TUBGCP3: variants seen among roughly 807,000 people sequenced by gnomAD.
TUBGCP3 encodes the protein tubulin gamma complex component 3, also known as gamma-tubulin complex component 3.
In TUBGCP3, 50 loss-of-function variants were observed where a neutral mutation model predicts 123.1. That is an observed-to-expected ratio of 0.41 (90% CI 0.32 to 0.51). TUBGCP3 has a LOEUF of 0.51. TUBGCP3 is among the 20% of genes least tolerant of loss of function. The pLI, the probability that TUBGCP3 is intolerant of heterozygous loss-of-function variation, is 0.36. For synonymous variants in TUBGCP3, 405 were observed against 413.9 expected (o/e 0.98, Z 0.26); for missense variants, 882 against 1,127.0 (o/e 0.78, Z 3.11).
At chr13:112,572,122 G>C (rs55794546) in intron 1 of TUBGCP3, among the ~76,000 whole-genome samples, 1 of 152,030 alleles carries the variant, frequency 6.6e-6, no homozygotes, top group African/African-American at 2.4e-5. Flanking sequence ...ATCACAACTT[G>C]ACTAACTGGC....
chr13:112,516,324 T>C (rs567423436), intron 17 of TUBGCP3, 116 bp downstream of exon 17: 14 of 1,137,024 alleles, frequency 1.2e-5, no homozygotes, highest in East Asian at 3.0e-5. Flanking sequence ...GAAAAAAATA[T>C]ATAGCTGTCA....
At chr13:112,505,399 A>C (rs1881222754) in intron 17 of TUBGCP3, among the ~76,000 whole-genome samples, 3 of 152,266 alleles carry the variant, frequency 2.0e-5, no homozygotes. Context: ...AACACGGGTC[A>C]GCTTGGACAT....
At chr13:112,543,395 T>C (rs1289805769) in intron 11 of TUBGCP3, among the ~76,000 whole-genome samples, 1 of 152,174 alleles carries the variant, frequency 6.6e-6, no homozygotes, top group Non-Finnish European at 1.5e-5. Context: ...ATAAGAAGCC[T>C]GAAAATCCTT....
In TUBGCP3 at chr13:112,519,411, T is replaced by A. The variant is rs558765149; in HGVS notation, c.1882-368A>T. On this transcript the variant is annotated intron_variant, in intron 15 of 21. Transcript: ENST00000261965. This position sits in a 1 kb window ranked among gnomAD's most constrained non-coding sequence, Gnocchi z 6.2. ...CAACCGTTCTGCTAATGATCTTCCA[T>A]CACAACTAAGTAAATAGTGGGTTTA... is the stretch of plus-strand genomic sequence containing the variant. 4.7e-4 allele frequency among the ~76,000 whole-genome samples: 71 copies of A among 152,316 alleles called. No individual in the cohort carries two copies. The highest frequency in any genetic ancestry group is 9.1e-4 in the Non-Finnish European group (62 of 68,032).
Position 112,588,060 on chromosome 13 carries a change from T to G in TUBGCP3, c.-80A>C. 1 of 1,214,096 alleles carries G rather than the reference T, an allele frequency of 8.2e-7. No homozygotes were observed. The highest frequency in any genetic ancestry group is 2.0e-5 in the South Asian group (1 of 49,736). 75.2% of individuals were successfully genotyped at this position (1,214,096 alleles called of 1,614,324 possible). Reference sequence around the variant, plus strand: ...GCGCAGGGACCGCGGCCCGCGCCCTTCCTGCGCCCCGCAAGCTCCCTGCTC... The same window carrying G: ...GCGCAGGGACCGCGGCCCGCGCCCTGCCTGCGCCCCGCAAGCTCCCTGCTC... On this transcript the variant is annotated 5_prime_UTR_variant, in exon 1 of 22. Transcript: ENST00000261965.
At chr13:112,537,843 T>C (rs1034790522) in intron 11 of TUBGCP3, among the ~76,000 whole-genome samples, 1 of 152,248 alleles carries the variant, frequency 6.6e-6, no homozygotes, top group African/African-American at 2.4e-5. Context: ...AGGTTTTCTA[T>C]TTCTTTGTGA....
Position 112,498,740 on chromosome 13 carries a change from T to C in TUBGCP3, c.2448+305A>G, listed in dbSNP as rs1445318203. 4 of 1,502,828 alleles carry C rather than the reference T, an allele frequency of 2.7e-6. No homozygotes were observed. The East Asian group carries it at 7.4e-5, about 28-fold the overall frequency. 93.1% of individuals were successfully genotyped at this position (1,502,828 alleles called of 1,614,324 possible). A position where few individuals can be genotyped will look rare whatever the true frequency, so the allele number is the denominator to read the frequency against. The stretch of plus-strand genomic sequence containing the variant: ...GAGTGATGCAGAGCGGAGGCAGCTG[T>C]GGAGATTCCGACGGGTGACATCGGC... On this transcript the variant is annotated intron_variant, in intron 20 of 21. Coordinates refer to ENST00000261965, the MANE Select transcript of TUBGCP3 (RefSeq NM_006322.6).
In TUBGCP3 at chr13:112,502,332, T is replaced by C. The variant is rs549570355; in HGVS notation, c.2307+1700A>G. 2.0e-5 allele frequency among the ~76,000 whole-genome samples: 3 copies of C among 152,310 alleles called. No individual in the cohort carries two copies. In the East Asian group the frequency reaches 5.8e-4, roughly 29 times the overall value. On this transcript the variant is annotated intron_variant, in intron 19 of 21. Transcript: ENST00000261965. ...GACTGCACCGTGAGACAGGCCGTGC[T>C]GGCCAACAGCACACGGGTCTAGGAA... is the stretch of plus-strand genomic sequence containing the variant.
chr13:112,492,386 G>A lies in TUBGCP3; in HGVS notation c.2449-2689C>T, dbSNP rs113853389. Reference sequence around the variant, plus strand: ...TTAAAATATACTATTTTACTGTCGTGTAACACATATAAAAAAGTATAAAAA... The same window carrying A: ...TTAAAATATACTATTTTACTGTCGTATAACACATATAAAAAAGTATAAAAA... On this transcript the variant is annotated intron_variant, in intron 20 of 21. Transcript: ENST00000261965. Among the ~76,000 whole-genome samples, 1,457 of 152,228 alleles carry A rather than the reference G, an allele frequency of 9.6e-3. 22 individuals are homozygous for A. Among genetic ancestry groups the A allele is most frequent in the African/African-American group, 0.033 (1,385 of 41,516 alleles).
At chr13:112,576,998 G>A (rs60719103) in intron 1 of TUBGCP3, among the ~76,000 whole-genome samples, 84 of 130,270 alleles carry the variant, frequency 6.4e-4, no homozygotes, top group Non-Finnish European at 7.4e-4. Flanking sequence ...AAAAAAAAAA[G>A]AAAAAAAAAT....
intron 19 of TUBGCP3, among the ~76,000 whole-genome samples, chr13:112,500,424 G>A (rs576630235): frequency 8.5e-5 from 13 of 152,286 alleles, no homozygotes; most frequent in East Asian, 5.8e-4. Context: ...ACTCCGAAGC[G>A]TGAAAAAGAA....
chr13:112,514,813 C>G (rs1350003396), intron 17 of TUBGCP3, among the ~76,000 whole-genome samples: 1 of 152,152 alleles, frequency 6.6e-6, no homozygotes, highest in African/African-American at 2.4e-5. Flanking sequence ...AAGAAATATT[C>G]AGAGGCATAT....
At chr13:112,604,253 G>C in the TUBGCP3 span, 1 of 152,100 alleles carries the variant, frequency 6.6e-6, no homozygotes, top group South Asian at 2.1e-4. Context: ...TTTTCTTTGG[G>C]TATCTTTTAG....
rs1276696917 is a variant in TUBGCP3 at position 112,524,443 on chromosome 13, C to A, written c.1556-1934G>T. The stretch of plus-strand genomic sequence containing the variant: ...CGGCACAGCAGGCGCATGGGGACGC[C>A]CTGTCCCAGGCACAGCCCATGTGTG... On this transcript the variant is annotated intron_variant, in intron 13 of 21. Coordinates refer to ENST00000261965, the MANE Select transcript of TUBGCP3 (RefSeq NM_006322.6). The surrounding 1 kb of genome is among the most constrained non-coding windows in gnomAD (Gnocchi z 4.4). Among the ~76,000 whole-genome samples, 2 of 152,192 alleles carry A rather than the reference C, an allele frequency of 1.3e-5. No homozygotes were observed. The highest frequency in any genetic ancestry group is 2.4e-5 in the African/African-American group (1 of 41,446).
chr13:112,550,942 CA>C (rs1215018897), intron 8 of TUBGCP3, among the ~76,000 whole-genome samples: 6 of 151,918 alleles, frequency 3.9e-5, no homozygotes, highest in Non-Finnish European at 4.4e-5. Flanking sequence ...ATTAAAAATA[CA>C]AAAAAATTAG....
Position 112,518,965 on chromosome 13 carries a change from A to C in TUBGCP3, c.1950+10T>G. On this transcript the variant is annotated intron_variant, in intron 16 of 21. Coordinates refer to ENST00000261965, the MANE Select transcript of TUBGCP3 (RefSeq NM_006322.6). ...TGTAAATACTATAAAATGATGCAGG[A>C]TAATCTTACAGTTGCAATTGGTCCG... 6.2e-7 allele frequency: 1 copy of C among 1,610,430 alleles called. No individual in the cohort carries two copies. Among genetic ancestry groups the C allele is most frequent in the African/African-American group, 1.3e-5 (1 of 74,990 alleles).
chr13:112,517,392 T>G (rs914942640), intron 16 of TUBGCP3, among the ~76,000 whole-genome samples: 7 of 152,242 alleles, frequency 4.6e-5, no homozygotes, highest in Admixed American at 1.3e-4. Context: ...CATGACAACT[T>G]TGACACTCTT....
chr13:112,520,816 T>A (rs1876555120), intron 14 of TUBGCP3, among the ~76,000 whole-genome samples: 1 of 152,176 alleles, frequency 6.6e-6, no homozygotes, highest in Admixed American at 6.5e-5. Flanking sequence ...CTAACACGTC[T>A]CTAATCGGGG....
At position 112,545,557 on chromosome 13, in the gene TUBGCP3, TAA is replaced by T; in HGVS notation, c.1335+140_1335+141del. On this transcript the variant is annotated intron_variant, in intron 11 of 21. Coordinates refer to ENST00000261965, the MANE Select transcript of TUBGCP3 (RefSeq NM_006322.6). The surrounding 1 kb of genome is among the most constrained non-coding windows in gnomAD (Gnocchi z 4.1). ...GATAACCAGCTGTCGAGGCACTGTG[TAA>T]AATGTATATGGTATTCAATGGAAGT... The T allele has an allele frequency of 1.1e-6, 1 of 920,686 alleles. No homozygotes were observed. Among genetic ancestry groups the T allele is most frequent in the Non-Finnish European group, 1.7e-6 (1 of 603,422 alleles). The allele number at this position is 920,686 out of a possible 1,614,324, so 57.0% of individuals were successfully genotyped here.
Sources: gnomAD v4.1 joint callset for allele counts (sites outside exome capture counted in the v4.1 genomes callset) on GRCh38, gnomAD v4.1.1 for gene constraint, Gnocchi (gnomAD v3.1) non-coding constraint, MANE v1.5 for transcripts, NCBI Gene and HGNC (gene_info 2026-07-23, HGNC 2026-07-21) for gene names.